XKR9: variants seen among roughly 807,000 people sequenced by gnomAD.
XKR9 encodes XK-related protein 9.
In XKR9, 32 loss-of-function variants were observed where a neutral mutation model predicts 32.0. The observed-to-expected ratio is 1.00, with a 90% CI of 0.76 to 1.34. XKR9 has a LOEUF of 1.34. XKR9 is among the 40% of genes most tolerant of loss of function. The pLI, the probability that XKR9 is intolerant of heterozygous loss-of-function variation, is 0.00. For missense variants in XKR9, 546 were observed against 429.7 expected (o/e 1.27, Z -2.39); for synonymous variants, 168 against 143.4 (o/e 1.17, Z -1.22).
At chr8:70,996,791 A>G in the XKR9 span, among the ~76,000 whole-genome samples, 1 of 152,030 alleles carries the variant, frequency 6.6e-6, no homozygotes, top group South Asian at 2.1e-4. Context: ...CCATAAAAGA[A>G]TTATTTGACT....
chr8:70,820,980 C>G, the XKR9 span, among the ~76,000 whole-genome samples: 7 of 152,160 alleles, frequency 4.6e-5, no homozygotes, highest in Non-Finnish European at 1.0e-4. Context: ...AACAGTCCCC[C>G]AAAGTCTTAA....
the XKR9 span, among the ~76,000 whole-genome samples, chr8:70,837,645 A>C: frequency 6.6e-6 from 1 of 152,080 alleles, no homozygotes; most frequent in African/African-American, 2.4e-5. Flanking sequence ...GTCAAACTTC[A>C]CAGTTTAGCC....
At chr8:70,763,922 C>T (rs539829886) in intron 2 of XKR9, among the ~76,000 whole-genome samples, 1 of 152,298 alleles carries the variant, frequency 6.6e-6, no homozygotes, top group African/African-American at 2.4e-5. Context: ...TGATATAATT[C>T]CTGACAGAAC....
chr8:70,826,182 A>G, the XKR9 span, among the ~76,000 whole-genome samples: 1 of 152,064 alleles, frequency 6.6e-6, no homozygotes, highest in Non-Finnish European at 1.5e-5. Flanking sequence ...AAATTCTCAG[A>G]TACTGAATTT....
chr8:70,914,565 G>T, the XKR9 span, among the ~76,000 whole-genome samples: 1 of 151,886 alleles, frequency 6.6e-6, no homozygotes, highest in Admixed American at 6.6e-5. Flanking sequence ...TTTTTCTATT[G>T]TATTGTTTGC....
intron 4 of XKR9, among the ~76,000 whole-genome samples, chr8:70,715,421 T>C (rs1017525656): frequency 2.6e-5 from 4 of 152,270 alleles, no homozygotes; most frequent in African/African-American, 9.6e-5. Flanking sequence ...GGTGAACAGA[T>C]AGGGCTTTGC....
the XKR9 span, among the ~76,000 whole-genome samples, chr8:70,886,350 T>G: frequency 5.9e-5 from 9 of 152,230 alleles, no homozygotes; most frequent in Admixed American, 2.0e-4. Context: ...GCAATAAACA[T>G]ACATGTGCAT....
chr8:70,777,384 C>T (rs1468376859), intron 2 of XKR9, among the ~76,000 whole-genome samples: 1 of 152,130 alleles, frequency 6.6e-6, no homozygotes, highest in African/African-American at 2.4e-5. Context: ...GGTTCCAAGA[C>T]TTTGCTATTG....
intron 2 of XKR9, among the ~76,000 whole-genome samples, chr8:70,677,340 G>A (rs1818919345): frequency 6.6e-6 from 1 of 151,866 alleles, no homozygotes; most frequent in Non-Finnish European, 1.5e-5. Flanking sequence ...TAGAGGTGGG[G>A]TTTCACCATG....
chr8:70,992,082 C>T, the XKR9 span, among the ~76,000 whole-genome samples: 1 of 152,180 alleles, frequency 6.6e-6, no homozygotes, highest in Non-Finnish European at 1.5e-5. Context: ...GCTTCAATGA[C>T]AATTTCTAAG....
At chr8:70,728,645 A>T (rs1806557749) in intron 4 of XKR9, among the ~76,000 whole-genome samples, 1 of 152,222 alleles carries the variant, frequency 6.6e-6, no homozygotes, top group Non-Finnish European at 1.5e-5. Context: ...AGAACAGCTA[A>T]CAACAGGTGT....
the XKR9 span, among the ~76,000 whole-genome samples, chr8:70,918,262 A>G: frequency 6.6e-6 from 1 of 152,202 alleles, no homozygotes; most frequent in Non-Finnish European, 1.5e-5. Context: ...GGGGAGGCCA[A>G]TGTAGAAGGA....
chr8:70,801,615 C>G, the XKR9 span, among the ~76,000 whole-genome samples: 2 of 152,102 alleles, frequency 1.3e-5, no homozygotes, highest in African/African-American at 4.8e-5. Context: ...GTTCCATATG[C>G]AGATGAGAAG....
At chr8:70,841,513 C>T in the XKR9 span, among the ~76,000 whole-genome samples, 14 of 152,148 alleles carry the variant, frequency 9.2e-5, no homozygotes, top group Non-Finnish European at 1.5e-4. Context: ...TCAAGTTTCA[C>T]TCATTGCCTC....
intron 3 of XKR9, among the ~76,000 whole-genome samples, chr8:70,699,542 T>C (rs1456216357): frequency 6.6e-6 from 1 of 152,226 alleles, no homozygotes; most frequent in East Asian, 1.9e-4. Flanking sequence ...GCGTTTCTGC[T>C]GAGAGATCTG....
chr8:70,700,495 C>T (rs865845089), intron 3 of XKR9, among the ~76,000 whole-genome samples: 2 of 152,166 alleles, frequency 1.3e-5, no homozygotes, highest in East Asian at 1.9e-4. Context: ...TGCAGCACAG[C>T]GGATTTTCGT....
At chr8:70,814,812 T>C in the XKR9 span, among the ~76,000 whole-genome samples, 10 of 152,212 alleles carry the variant, frequency 6.6e-5, no homozygotes, top group East Asian at 1.9e-4. Context: ...AAATTATTCC[T>C]CTTCACTGAT....
chr8:70,956,105 G>A, the XKR9 span, among the ~76,000 whole-genome samples: 1 of 152,168 alleles, frequency 6.6e-6, no homozygotes, highest in East Asian at 1.9e-4. Context: ...CAGTGGGGGT[G>A]GGGGAGCAAG....
chr8:70,953,925 A>G, the XKR9 span, among the ~76,000 whole-genome samples: 1 of 152,198 alleles, frequency 6.6e-6, no homozygotes, highest in African/African-American at 2.4e-5. Flanking sequence ...CAGACAGGAA[A>G]GGAAGCCAGG....
Sources: allele counts gnomAD v4.1 joint callset (sites outside exome capture counted in the v4.1 genomes callset), GRCh38; gene constraint gnomAD v4.1.1; transcripts MANE v1.5; gene names NCBI Gene and HGNC (gene_info 2026-07-23, HGNC 2026-07-21).